Variants in CETN2 observed in about 807,000 individuals in gnomAD.
CETN2 encodes centrin-2.
Under a neutral mutation model 12.6 loss-of-function variants are expected in CETN2, and 2 were observed. The observed-to-expected ratio is 0.16, with a 90% CI of 0.07 to 0.50. The LOEUF is 0.50. CETN2 is among the 20% of genes least tolerant of loss of function. The pLI is 0.96. For missense variants in CETN2, 81 were observed against 128.3 expected (o/e 0.63, Z 1.78); for synonymous variants, 41 against 43.4 (o/e 0.94, Z 0.22).
intron 3 of CETN2, 150 bp downstream of exon 3, chrX:152,828,999 G>T: frequency 1.6e-6 from 1 of 638,986 alleles, no homozygotes; most frequent in Non-Finnish European, 2.4e-6. Flanking sequence ...TGTTTTGGGA[G>T]CCCAAAGTAA....
At position 152,828,584 on chromosome X, in the gene CETN2, G is replaced by A. The variant is rs2124997639; in HGVS notation, c.382C>T (p.Arg128Cys). 3.3e-6 allele frequency: 4 copies of A among 1,211,168 alleles called. No individual in the cohort carries two copies. Among genetic ancestry groups the A allele is most frequent in the Non-Finnish European group, 4.5e-6 (4 of 895,055 alleles). Reference protein sequence around the residue: ...TGKISFKNLKRVAKELGENLT... With the variant: ...TGKISFKNLKCVAKELGENLT... ...TTCTCACCCAACTCCTTGGCCACGCGTTTCAGATTTTTGAACGAAATCTTC... is the reference window on the plus strand; with the variant it reads ...TTCTCACCCAACTCCTTGGCCACGCATTTCAGATTTTTGAACGAAATCTTC... The change falls in exon 4 of 5, where the codon CGC (arginine) becomes TGC (cysteine). Residue 128 changes from arginine (R) to cysteine (C), a missense_variant. Transcript: ENST00000370277.
At chrX:152,828,940 G>T (rs956267858) in intron 3 of CETN2, 8 of 451,713 alleles carry the variant, frequency 1.8e-5, no homozygotes, top group Non-Finnish European at 2.6e-5. Flanking sequence ...TTGGAATTCT[G>T]TGGGAAGAGG....
intron 1 of CETN2, among the ~76,000 whole-genome samples, chrX:152,830,411 G>A (rs1219929052): frequency 8.8e-6 from 1 of 113,368 alleles, no homozygotes; most frequent in African/African-American, 3.2e-5. Context: ...GAGAGAGTCA[G>A]GGGCCTGTGA....
rs927416490 is a variant in CETN2, at chrX:152,829,673, G to C, written c.91C>G (p.Gln31Glu). 2 of 1,205,459 alleles carry C rather than the reference G, an allele frequency of 1.7e-6. No homozygotes were observed. The highest frequency in any genetic ancestry group is 3.5e-5 in the African/African-American group (2 of 57,062). The change falls in exon 2 of 5, where the codon CAG becomes GAG. Residue 31 changes from glutamine (Q) to glutamate (E), a missense_variant. Physicochemically the swap from Gln to Glu is conservative, Grantham distance 29. Coordinates refer to ENST00000370277, the MANE Select transcript of CETN2 (RefSeq NM_004344.3). ...PKPELTEEQKQEIREAFDLFD... is the reference protein window; with the variant it reads ...PKPELTEEQKEEIREAFDLFD... ...AGATCAAAAGCTTCCCGGATCTCCT[G>C]CTTTTGCTCTTCAGTAAGCTCAGGC...
At position 152,827,933 on chromosome X, in the gene CETN2, A is replaced by G; in HGVS notation, c.430-3T>C. On this transcript the variant is annotated splice_region_variant and splice_polypyrimidine_tract_variant and intron_variant, in intron 4 of 4. Coordinates refer to ENST00000370277, the MANE Select transcript of CETN2 (RefSeq NM_004344.3). ...CGATCAGCTTCATCAATCATTTCCT[A>G]TATGACAGTAAAGATTCAGGTTAAT... The G allele has an allele frequency of 8.4e-7, 1 of 1,191,589 alleles. No homozygotes were observed.
At position 152,830,724 on chromosome X, in the gene CETN2, C is replaced by T. The variant is rs1458384754; in HGVS notation, c.-14G>A. On this transcript the variant is annotated 5_prime_UTR_variant, in exon 1 of 5. Coordinates refer to ENST00000370277, the MANE Select transcript of CETN2 (RefSeq NM_004344.3). ...AGCACTCACCATAGCCAAAGGAGTC[C>T]GCTGCCGGTTGTTAGGCAACCGACG... 3 of 1,169,983 alleles carry T rather than the reference C, an allele frequency of 2.6e-6. No individual in the cohort carries two copies. In the East Asian group the frequency reaches 9.7e-5, roughly 38 times the overall value.
At position 152,828,489 on chromosome X, in the gene CETN2, A is replaced by G. The variant is rs782439240; in HGVS notation, c.429+48T>C. On this transcript the variant is annotated intron_variant, in intron 4 of 4. Transcript: ENST00000370277. Reference sequence around the variant, plus strand: ...GGAAAATGTAATGGAAAAGTCACAGAGGGCTCAAAGGTGGGAATTTTAAGT... The same window carrying G: ...GGAAAATGTAATGGAAAAGTCACAGGGGGCTCAAAGGTGGGAATTTTAAGT... 10 of 1,162,139 alleles carry G rather than the reference A, an allele frequency of 8.6e-6. No homozygotes were observed. The African/African-American group carries it at 1.4e-4, about 17-fold the overall frequency.
intron 1 of CETN2, 75 bp downstream of exon 1, chrX:152,830,633 G>C: frequency 3.6e-6 from 4 of 1,120,614 alleles, no homozygotes; most frequent in Non-Finnish European, 4.8e-6. Flanking sequence ...GCGCAGGAGA[G>C]GCGGCGTGGC....
chrX:152,829,540 G>C, intron 2 of CETN2, 62 bp downstream of exon 2: 1 of 1,113,956 alleles, frequency 9.0e-7, no homozygotes, highest in South Asian at 2.2e-5. Flanking sequence ...AGGTGATAGG[G>C]AGATGACAAG....
chrX:152,828,670 T>C lies in CETN2; in HGVS notation c.296A>G (p.Glu99Gly). The C allele has an allele frequency of 8.3e-7, 1 of 1,208,272 alleles. No individual in the cohort carries two copies. Among genetic ancestry groups the C allele is most frequent in the Non-Finnish European group, 1.1e-6 (1 of 893,278 alleles). ...CAGGATTTCTTCTTTAGTATCTTTCTCAGACTTAACAAGTAGAACATAAAA... is the reference window on the plus strand; with the variant it reads ...CAGGATTTCTTCTTTAGTATCTTTCCCAGACTTAACAAGTAGAACATAAAA... Reference protein sequence around the residue: ...FLTVMTQKMSEKDTKEEILKA... With the variant: ...FLTVMTQKMSGKDTKEEILKA... Residue 99 changes from glutamate (E) to glycine (G), a missense_variant, in exon 4 of 5, where the codon GAG becomes GGG. Physicochemically the swap from Glu to Gly is moderately conservative, Grantham distance 98 (BLOSUM62 -2). Coordinates refer to ENST00000370277, the MANE Select transcript of CETN2 (RefSeq NM_004344.3).
intron 4 of CETN2, 48 bp downstream of exon 4, chrX:152,828,489 A>C (rs782439240): frequency 8.6e-7 from 1 of 1,162,139 alleles, no homozygotes; most frequent in Non-Finnish European, 1.2e-6. Flanking sequence ...AAAGTCACAG[A>C]GGGCTCAAAG....
rs782259976 is a variant in CETN2, at chrX:152,829,691, G to A, written c.73C>T (p.Leu25Phe). ...QRKRMSPKPE[L>F]TEEQKQEIRE... Reference sequence around the variant, plus strand: ...ATCTCCTGCTTTTGCTCTTCAGTAAGCTCAGGCTTAGGGCTCATTCTTTTT... The same window carrying A: ...ATCTCCTGCTTTTGCTCTTCAGTAAACTCAGGCTTAGGGCTCATTCTTTTT... Residue 25 changes from leucine to phenylalanine, a missense_variant, in exon 2 of 5, where the codon CTT (leucine) becomes TTT (phenylalanine). Physicochemically the swap from Leu to Phe is conservative, Grantham distance 22. Coordinates refer to ENST00000370277, the MANE Select transcript of CETN2 (RefSeq NM_004344.3). The A allele has an allele frequency of 8.3e-7, 1 of 1,207,611 alleles. No individual in the cohort carries two copies.
intron 2 of CETN2, 37 bp from the exon 3 acceptor site, chrX:152,829,314 T>C: frequency 8.7e-7 from 1 of 1,154,067 alleles, no homozygotes. Context: ...TAAGCACATC[T>C]AAAGTAGCAG....
Position 152,829,760 on chromosome X carries a change from C to T in CETN2, c.4G>A (p.Ala2Thr). The change falls in exon 2 of 5, where the codon GCC (alanine) becomes ACC (threonine). Residue 2 changes from alanine (A) to threonine (T), a missense_variant and splice_region_variant. By Grantham distance (58) the Ala-to-Thr change is moderately conservative (BLOSUM62 0). Transcript: ENST00000370277. The part of the protein sequence containing the change: M[A>T]SNFKKANMAS... ...ATGTTTGCCTTCTTAAAGTTGGAGG[C>T]CTTTATATGTTATGCAATACACAAG... is the stretch of plus-strand genomic sequence containing the variant. The T allele has an allele frequency of 8.4e-7, 1 of 1,187,814 alleles. No individual in the cohort carries two copies. Among genetic ancestry groups the T allele is most frequent in the East Asian group, 3.0e-5 (1 of 33,332 alleles).
intron 3 of CETN2, 159 bp downstream of exon 3, chrX:152,828,990 G>T: frequency 1.7e-6 from 1 of 593,718 alleles, no homozygotes. Context: ...ACAAGGGCTT[G>T]TTTTGGGAGC....
At chrX:152,829,790 A>C in intron 1 of CETN2, 30 bp from the exon 2 acceptor site, 1 of 1,101,408 alleles carries the variant, frequency 9.1e-7, no homozygotes, top group East Asian at 3.1e-5. Context: ...CACAAGCACA[A>C]TAATATATCA....
In CETN2 at chrX:152,827,681, G is replaced by C. The variant is rs782416275; in HGVS notation, c.*160C>G. On this transcript the variant is annotated 3_prime_UTR_variant, in exon 5 of 5. Coordinates refer to ENST00000370277, the MANE Select transcript of CETN2 (RefSeq NM_004344.3). ...TTTTACAAAGAACTGTAATATCAAA[G>C]AACACTTCCAAACGGCTAAAATAGG... 4.4e-5 allele frequency: 18 copies of C among 412,737 alleles called. No individual in the cohort carries two copies. The highest frequency in any genetic ancestry group is 6.7e-5 in the Non-Finnish European group (16 of 238,394). The allele number at this position is 412,737 out of a possible 1,213,427, so 34.0% of individuals were successfully genotyped here. A position where few individuals can be genotyped will look rare whatever the true frequency, so the allele number is the denominator to read the frequency against.
At position 152,830,688 on chromosome X, in the gene CETN2, G is replaced by T. The variant is rs1932998039; in HGVS notation, c.3+20C>A. The T allele has an allele frequency of 1.7e-6, 2 of 1,177,521 alleles. No individual in the cohort carries two copies. Among genetic ancestry groups the T allele is most frequent in the African/African-American group, 1.8e-5 (1 of 56,450 alleles). ...GGCTCAGCCGCTGGGCGTGGGGCGC[G>T]ACAGAGCGGCAGCACTCACCATAGC... On this transcript the variant is annotated intron_variant, in intron 1 of 4. Transcript: ENST00000370277.
chrX:152,829,624 G>T lies in CETN2; in HGVS notation c.140C>A (p.Thr47Asn). Residue 47 changes from threonine (T) to asparagine (N), a missense_variant, in exon 2 of 5, where the codon ACC (threonine) becomes AAC (asparagine). Transcript: ENST00000370277. ...TGCCTTCAGTTCTTTAACATCTATG[G>T]TGCCAGTTCCATCCGCATCGAAAAG... ...FDLFDADGTG[T>N]IDVKELKVAM... 1.7e-6 allele frequency: 2 copies of T among 1,196,228 alleles called. No individual in the cohort carries two copies. Among genetic ancestry groups the T allele is most frequent in the Non-Finnish European group, 2.3e-6 (2 of 885,384 alleles).
Sources: gnomAD v4.1 joint callset for allele counts (sites outside exome capture counted in the v4.1 genomes callset) on GRCh38, gnomAD v4.1.1 for gene constraint, MANE v1.5 for transcripts, NCBI Gene and HGNC (gene_info 2026-07-23, HGNC 2026-07-21) for gene names.